Variants in USP13 observed in about 807,000 individuals in gnomAD.
The protein encoded by USP13 is ubiquitin carboxyl-terminal hydrolase 13.
A neutral mutation model predicts 107.8 loss-of-function variants in USP13; 68 were observed. The ratio of observed to expected loss-of-function variants is 0.63; its 90% confidence interval spans 0.52 to 0.77. The LOEUF is 0.77. USP13 is among the 30% of genes least tolerant of loss of function. The pLI is 0.00. For synonymous variants in USP13, 377 were observed against 389.5 expected (o/e 0.97, Z 0.38); for missense variants, 945 against 1,093.3 (o/e 0.86, Z 1.91).
chr3:179,680,459 C>T (rs1177474792), intron 1 of USP13, among the ~76,000 whole-genome samples: 1 of 152,160 alleles, frequency 6.6e-6, no homozygotes, highest in African/African-American at 2.4e-5. Context: ...AAATCTGAAA[C>T]TTTTTGAACA....
rs150048229 is a variant in USP13, at chr3:179,682,947, T to G, written c.294+944T>G. 1.9e-3 allele frequency among the ~76,000 whole-genome samples: 286 copies of G among 152,272 alleles called. 3 individuals carry two copies. The highest frequency in any genetic ancestry group is 6.6e-3 in the African/African-American group (274 of 41,544). On this transcript the variant is annotated intron_variant, in intron 2 of 20. Coordinates refer to ENST00000263966, the MANE Select transcript of USP13 (RefSeq NM_003940.3). ...ACTCTGATCTGCAATAATTATGATT[T>G]CTTGCTTTCCCACACCCTCACCAAC...
At chr3:179,734,628 C>A (rs2108507564) in intron 10 of USP13, among the ~76,000 whole-genome samples, 1 of 152,308 alleles carries the variant, frequency 6.6e-6, no homozygotes, top group African/African-American at 2.4e-5. Context: ...AGGTTAGACA[C>A]ATGTAACCTT....
intron 8 of USP13, among the ~76,000 whole-genome samples, chr3:179,728,456 G>C (rs1331091787): frequency 6.7e-6 from 1 of 149,348 alleles, no homozygotes. Context: ...TCACTTCCTA[G>C]ATGGGATGGC....
rs1358005322 is a variant in USP13 at position 179,681,891 on chromosome 3, G to T, written c.182G>T (p.Gly61Val). 6.2e-7 allele frequency: 1 copy of T among 1,612,654 alleles called. No homozygotes were observed. Among genetic ancestry groups the T allele is most frequent in the Non-Finnish European group, 8.5e-7 (1 of 1,179,378 alleles). Residue 61 changes from glycine to valine, a missense_variant, in exon 2 of 21, where the codon GGA becomes GTA. Gly to Val is a moderately radical substitution (Grantham distance 109). Coordinates refer to ENST00000263966, the MANE Select transcript of USP13 (RefSeq NM_003940.3). ...FSYDSPNSEG[G>V]LYVCMNTFLA... Reference sequence around the variant, plus strand: ...TCTTTCTTCTAGAATTCTGAAGGTGGACTCTATGTATGCATGAATACATTT... The same window carrying T: ...TCTTTCTTCTAGAATTCTGAAGGTGTACTCTATGTATGCATGAATACATTT...
chr3:179,766,333 T>A (rs1341352062), intron 19 of USP13, among the ~76,000 whole-genome samples: 1 of 152,150 alleles, frequency 6.6e-6, no homozygotes, highest in Admixed American at 6.5e-5. Flanking sequence ...GCCCCGGTGA[T>A]CTGATAAAGT....
At chr3:179,676,778 A>C (rs1711502905) in intron 1 of USP13, among the ~76,000 whole-genome samples, 1 of 151,908 alleles carries the variant, frequency 6.6e-6, no homozygotes, top group African/African-American at 2.4e-5. Context: ...CTACTGGTGA[A>C]TGTATTGGGC....
rs143824486 is a variant in USP13, at chr3:179,742,313, G to A, written c.1497G>A (p.Met499Ile). ...VRYTERVDYLMQLPVAMEAAT... is the reference protein window; with the variant it reads ...VRYTERVDYLIQLPVAMEAAT... ...ACACGGAGAGGGTGGATTACCTGAT[G>A]CAGTTACCTGTGGCCATGGAGGCGG... The change falls in exon 12 of 21, where the codon ATG becomes ATA. Residue 499 changes from methionine to isoleucine, a missense_variant. Transcript: ENST00000263966. The surrounding 1 kb of genome is among the most constrained non-coding windows in gnomAD (Gnocchi z 5.0). 222 of 1,614,110 alleles carry A rather than the reference G, an allele frequency of 1.4e-4. No homozygotes were observed. Among genetic ancestry groups the A allele is most frequent in the Non-Finnish European group, 1.8e-4 (216 of 1,180,050 alleles).
intron 13 of USP13, among the ~76,000 whole-genome samples, chr3:179,745,842 G>C (rs1189455208): frequency 1.3e-5 from 2 of 152,156 alleles, no homozygotes; most frequent in Non-Finnish European, 2.9e-5. Context: ...GAGCCGCTCA[G>C]GGTTTAGTCA....
chr3:179,679,801 T>G (rs1191134334), intron 1 of USP13, among the ~76,000 whole-genome samples: 3 of 97,728 alleles, frequency 3.1e-5, no homozygotes, highest in East Asian at 3.5e-4. Flanking sequence ...TTAGTTTTTT[T>G]TTTTTTTTTT....
intron 19 of USP13, among the ~76,000 whole-genome samples, chr3:179,768,181 T>TAC (rs1715236615): frequency 6.6e-6 from 1 of 152,166 alleles, no homozygotes; most frequent in Admixed American, 6.5e-5. Flanking sequence ...AGAGGATGAG[T>TAC]CCCTGCGGAA....
chr3:179,699,401 C>A (rs1416523496), intron 3 of USP13, among the ~76,000 whole-genome samples: 6 of 152,148 alleles, frequency 3.9e-5, no homozygotes, highest in African/African-American at 1.4e-4. Context: ...CTGACTCTTA[C>A]AATTTAGAAT....
chr3:179,674,179 C>T (rs1297675305), intron 1 of USP13, among the ~76,000 whole-genome samples: 2 of 152,180 alleles, frequency 1.3e-5, no homozygotes, highest in African/African-American at 2.4e-5. Flanking sequence ...AGGTGTGAGC[C>T]ACTGCGCCCG....
chr3:179,774,602 C>T (rs1576993451), intron 19 of USP13, among the ~76,000 whole-genome samples: 2 of 152,166 alleles, frequency 1.3e-5, no homozygotes, highest in Admixed American at 1.3e-4. Context: ...AAGCTGCAGA[C>T]CTTTGCAGTG....
Position 179,750,318 on chromosome 3 carries a change from ATATGTGTG to A in USP13, c.1710-1963_1710-1956del, listed in dbSNP as rs1236804972. Reference sequence around the variant, plus strand: ...TATATGTGTGTGTATATATATATATATATGTGTGTATATATATATATATATATGTATAT... The same window carrying A: ...TATATGTGTGTGTATATATATATATATATATATATATATATATATGTATAT... On this transcript the variant is annotated intron_variant, in intron 13 of 20. Coordinates refer to ENST00000263966, the MANE Select transcript of USP13 (RefSeq NM_003940.3). Among the ~76,000 whole-genome samples, 47 of 43,252 alleles carry A rather than the reference ATATGTGTG, an allele frequency of 1.1e-3. 1 individual carries two copies. Among genetic ancestry groups the A allele is most frequent in the African/African-American group, 3.0e-3 (42 of 14,122 alleles). 28.4% of individuals were successfully genotyped at this position (43,252 alleles called of 152,430 possible).
intron 1 of USP13, among the ~76,000 whole-genome samples, 156 bp from the exon 2 acceptor site, chr3:179,681,721 AC>A (rs1420049457): frequency 5.9e-5 from 9 of 152,294 alleles, no homozygotes; most frequent in Admixed American, 4.6e-4. Flanking sequence ...GGACAGAGTC[AC>A]TTGGGTTAAA....
At position 179,730,653 on chromosome 3, in the gene USP13, T is replaced by C. The variant is rs1363891700; in HGVS notation, c.1198T>C (p.Ser400Pro). The C allele has an allele frequency of 4.3e-6, 7 of 1,614,052 alleles. No individual in the cohort carries two copies. The highest frequency in any genetic ancestry group is 1.6e-4 in the Middle Eastern group (1 of 6,084). The change falls in exon 10 of 21, where the codon TCA (serine) becomes CCA (proline). Residue 400 changes from serine (S) to proline (P), a missense_variant. By Grantham distance (74) the Ser-to-Pro change is moderately conservative (BLOSUM62 -1). Transcript: ENST00000263966. Reference sequence around the variant, plus strand: ...ACATGGCCTTCTCTCAGGCCAGTATTCAAAGCCTCCGGTGAAATCTGAACT... The same window carrying C: ...ACATGGCCTTCTCTCAGGCCAGTATCCAAAGCCTCCGGTGAAATCTGAACT... ...LGHGLLSGQYSKPPVKSELIE... is the reference protein window; with the variant it reads ...LGHGLLSGQYPKPPVKSELIE...
At position 179,660,019 on chromosome 3, in the gene USP13, G is replaced by A. The variant is rs572120160; in HGVS notation, c.168+6626G>A. ...GATCCCGCTATTCCACTCCAGCCTG[G>A]GCGACAGAGCGAGACTCTGTCTCAA... On this transcript the variant is annotated intron_variant, in intron 1 of 20. Coordinates refer to ENST00000263966, the MANE Select transcript of USP13 (RefSeq NM_003940.3). Among the ~76,000 whole-genome samples, 7 of 152,286 alleles carry A rather than the reference G, an allele frequency of 4.6e-5. No individual in the cohort carries two copies. The South Asian group carries it at 6.2e-4, about 14-fold the overall frequency.
At chr3:179,704,007 G>C (rs768011397) in intron 4 of USP13, among the ~76,000 whole-genome samples, 22 of 152,124 alleles carry the variant, frequency 1.4e-4, no homozygotes, top group Non-Finnish European at 2.8e-4. Flanking sequence ...GCTTACAAAG[G>C]CATGGGATGG....
chr3:179,653,190 G>C lies in USP13; in HGVS notation c.-36G>C. ...CCGGCAGACCCCGCGCTCCGGCTCC[G>C]GCTCGGCTCGCTCGGCTCCGGTGCG... On this transcript the variant is annotated 5_prime_UTR_variant, in exon 1 of 21. Coordinates refer to ENST00000263966, the MANE Select transcript of USP13 (RefSeq NM_003940.3). This position sits in a 1 kb window ranked among gnomAD's most constrained non-coding sequence, Gnocchi z 4.0. The C allele has an allele frequency of 1.6e-6, 2 of 1,287,724 alleles. No homozygotes were observed. The highest frequency in any genetic ancestry group is 2.3e-5 in the South Asian group (1 of 42,716). The allele number at this position is 1,287,724 out of a possible 1,614,324, so 79.8% of individuals were successfully genotyped here.
Sources: gnomAD v4.1 joint callset for allele counts (sites outside exome capture counted in the v4.1 genomes callset) on GRCh38, gnomAD v4.1.1 for gene constraint, Gnocchi (gnomAD v3.1) non-coding constraint, MANE v1.5 for transcripts, NCBI Gene and HGNC (gene_info 2026-07-23, HGNC 2026-07-21) for gene names.